ZNF26: variants seen among roughly 807,000 people sequenced by gnomAD.
ZNF26 encodes the protein zinc finger protein 26.
In ZNF26, 32 loss-of-function variants were observed where a neutral mutation model predicts 54.9. The observed-to-expected ratio is 0.58, with a 90% CI of 0.44 to 0.78. ZNF26 has a LOEUF of 0.78. Among genes scored for constraint, ZNF26 ranks in the 30% least tolerant of loss-of-function variants. The probability of loss-of-function intolerance (pLI) is 0.00; values close to 1 mark genes in which losing one functional copy is unlikely to be tolerated. For missense variants in ZNF26, 524 were observed against 634.0 expected (o/e 0.83, Z 1.86); for synonymous variants, 221 against 209.2 (o/e 1.06, Z -0.49).
At position 133,010,961 on chromosome 12, in the gene ZNF26, A is replaced by C; in HGVS notation, c.1082A>C (p.Gln361Pro). The C allele has an allele frequency of 6.2e-7, 1 of 1,614,154 alleles. No individual in the cohort carries two copies. Among genetic ancestry groups the C allele is most frequent in the Non-Finnish European group, 8.5e-7 (1 of 1,180,010 alleles). Residue 361 changes from glutamine to proline, a missense_variant, in exon 4 of 4, where the codon CAG (glutamine) becomes CCG (proline). Transcript: ENST00000328654. Reference protein sequence around the residue: ...FNMKTQLIVHQGVHTGNNPYQ... With the variant: ...FNMKTQLIVHPGVHTGNNPYQ... ...ATGAAGACACAACTCATTGTACATC[A>C]GGGAGTTCACACAGGAAATAATCCT...
chr12:133,004,116 T>A (rs1214127606), intron 1 of ZNF26, among the ~76,000 whole-genome samples: 4 of 152,236 alleles, frequency 2.6e-5, no homozygotes, highest in Non-Finnish European at 5.9e-5. Flanking sequence ...CTAACATGAA[T>A]GTGTTCTTTC....
chr12:133,011,727 A>C lies in ZNF26; in HGVS notation c.*246A>C. 3.4e-6 allele frequency: 1 copy of C among 291,932 alleles called. No individual in the cohort carries two copies. Among genetic ancestry groups the C allele is most frequent in the East Asian group, 5.8e-5 (1 of 17,182 alleles). The allele number at this position is 291,932 out of a possible 1,614,324, so 18.1% of individuals were successfully genotyped here. ...TGTTGTAGTATCATCATGAAGATTC[A>C]GAGAATTTACACTAGGAACACCTTA... is the stretch of plus-strand genomic sequence containing the variant. On this transcript the variant is annotated 3_prime_UTR_variant, in exon 4 of 4. Transcript: ENST00000328654.
chr12:133,022,924 A>C lies in ZNF26; in HGVS notation c.*11443A>C, dbSNP rs368743851. On this transcript the variant is annotated 3_prime_UTR_variant, in exon 4 of 4. Coordinates refer to ENST00000328654, the MANE Select transcript of ZNF26 (RefSeq NM_019591.4). Reference sequence around the variant, plus strand: ...TGTTTATGTGACAAAACAACGGGGAAAAAAAGCTAGAAAATGATAATCAAA... The same window carrying C: ...TGTTTATGTGACAAAACAACGGGGACAAAAAGCTAGAAAATGATAATCAAA... The C allele has an allele frequency of 1.4e-4, 22 of 152,352 alleles. No individual in the cohort carries two copies. The highest frequency in any genetic ancestry group is 5.1e-4 in the African/African-American group (21 of 41,582). 9.4% of individuals were successfully genotyped at this position (152,352 alleles called of 1,614,324 possible).
intron 3 of ZNF26, among the ~76,000 whole-genome samples, chr12:133,008,413 C>T (rs993386496): frequency 3.3e-4 from 51 of 152,256 alleles, no homozygotes; most frequent in African/African-American, 1.2e-3. Context: ...TCTTAGTTCT[C>T]TCTCCCGTAT....
rs1039720444 is a variant in ZNF26, at chr12:132,999,846, A to G, written c.34-7196A>G. On this transcript the variant is annotated intron_variant, in intron 1 of 3. Transcript: ENST00000328654. ...CACCATGCCCGGTTAATTTTTTTGT[A>G]TTTAGTAGAGACAGGGTTTCACCAT... 1.9e-4 allele frequency among the ~76,000 whole-genome samples: 29 copies of G among 151,290 alleles called. 1 individual carries two copies. The highest frequency in any genetic ancestry group is 2.5e-4 in the Non-Finnish European group (17 of 67,848).
At position 133,019,999 on chromosome 12, in the gene ZNF26, G is replaced by A. The variant is rs1284529494; in HGVS notation, c.*8518G>A. The A allele has an allele frequency of 6.6e-6, 1 of 152,270 alleles. No homozygotes were observed. The highest frequency in any genetic ancestry group is 1.9e-4 in the East Asian group (1 of 5,190). The allele number at this position is 152,270 out of a possible 1,614,324, so 9.4% of individuals were successfully genotyped here. ...TAGTCCCAGCTACTCGGGAGGCTGA[G>A]GCAGGAGAATCACTTGAACCCGGGA... is the stretch of plus-strand genomic sequence containing the variant. On this transcript the variant is annotated 3_prime_UTR_variant, in exon 4 of 4. Coordinates refer to ENST00000328654, the MANE Select transcript of ZNF26 (RefSeq NM_019591.4).
rs1953506452 is a variant in ZNF26, at chr12:133,012,609, T to TTTTTTTTG, written c.*1128_*1129insTTTTTTTG. The TTTTTTTTG allele has an allele frequency of 2.1e-5, 3 of 142,286 alleles. No homozygotes were observed. Among genetic ancestry groups the TTTTTTTTG allele is most frequent in the Non-Finnish European group, 3.0e-5 (2 of 65,950 alleles). 8.8% of individuals were successfully genotyped at this position (142,286 alleles called of 1,614,324 possible). ...TTTTTTTTTTTTTTTTTTTTTTTTTTGAGACTAAGTTTCACTCTTGTCCTC... is the reference window on the plus strand; with the variant it reads ...TTTTTTTTTTTTTTTTTTTTTTTTTTTTTTTTTGGAGACTAAGTTTCACTCTTGTCCTC... On this transcript the variant is annotated 3_prime_UTR_variant, in exon 4 of 4. Coordinates refer to ENST00000328654, the MANE Select transcript of ZNF26 (RefSeq NM_019591.4).
intron 1 of ZNF26, among the ~76,000 whole-genome samples, chr12:132,988,651 G>A (rs943237064): frequency 1.2e-4 from 18 of 152,086 alleles, no homozygotes; most frequent in Middle Eastern, 3.4e-3. Context: ...TAATCAGTTT[G>A]TCAACATCTG....
chr12:132,995,204 C>A (rs1299506559), intron 1 of ZNF26: 1 of 152,634 alleles, frequency 6.6e-6, no homozygotes, highest in Non-Finnish European at 1.5e-5. Flanking sequence ...CAAAAAATTG[C>A]ACCACCATAG....
chr12:132,997,192 AG>A (rs1321152073), intron 1 of ZNF26, among the ~76,000 whole-genome samples: 1 of 152,254 alleles, frequency 6.6e-6, no homozygotes, highest in Non-Finnish European at 1.5e-5. Flanking sequence ...TTCCCAGAAC[AG>A]GGGCTAATCA....
At position 133,012,312 on chromosome 12, in the gene ZNF26, C is replaced by A. The variant is rs1402832084; in HGVS notation, c.*831C>A. The stretch of plus-strand genomic sequence containing the variant: ...TGGTAGTGTCTTTCAGGTATCCGTT[C>A]CACTAGCTACAGGTGAGCATTTTAC... On this transcript the variant is annotated 3_prime_UTR_variant, in exon 4 of 4. Transcript: ENST00000328654. 1.3e-5 allele frequency: 2 copies of A among 152,132 alleles called. No homozygotes were observed. The highest frequency in any genetic ancestry group is 2.9e-5 in the Non-Finnish European group (2 of 68,038). 9.4% of individuals were successfully genotyped at this position (152,132 alleles called of 1,614,324 possible). A position where few individuals can be genotyped will look rare whatever the true frequency, so the allele number is the denominator to read the frequency against.
At chr12:133,006,318 A>G (rs1162057607) in intron 1 of ZNF26, 3 of 985,218 alleles carry the variant, frequency 3.0e-6, no homozygotes, top group Non-Finnish European at 3.6e-6. Context: ...ACCTCGTCCA[A>G]ACACCTCCTG....
intron 1 of ZNF26, chr12:133,006,311 T>G: frequency 1.0e-6 from 1 of 985,436 alleles, no homozygotes; most frequent in Non-Finnish European, 1.2e-6. Flanking sequence ...CAGCTGAACC[T>G]CGTCCAAACA....
intron 3 of ZNF26, among the ~76,000 whole-genome samples, chr12:133,009,526 A>C (rs1953422449): frequency 6.6e-6 from 1 of 152,080 alleles, no homozygotes; most frequent in African/African-American, 2.4e-5. Flanking sequence ...CAGGAGGTCG[A>C]GGCTGCAGTA....
Position 133,010,168 on chromosome 12 carries a change from G to T in ZNF26, c.289G>T (p.Asp97Tyr). 5.6e-6 allele frequency: 9 copies of T among 1,602,454 alleles called. No homozygotes were observed. The highest frequency in any genetic ancestry group is 7.6e-6 in the Non-Finnish European group (9 of 1,177,232). Residue 97 changes from aspartate to tyrosine, a missense_variant, in exon 4 of 4, where the codon GAT (aspartate) becomes TAT (tyrosine). Transcript: ENST00000328654. ...GWEEWYQNNQ[D>Y]ELESIERSYA... ...GGAAGAATGGTACCAGAACAATCAA[G>T]ATGAGCTTGAGAGTATTGAAAGAAG...
intron 1 of ZNF26, among the ~76,000 whole-genome samples, chr12:133,002,233 C>A (rs1953233635): frequency 6.6e-6 from 1 of 152,106 alleles, no homozygotes; most frequent in Non-Finnish European, 1.5e-5. Context: ...CTCCTGGCCC[C>A]CCTTCTGTCT....
intron 1 of ZNF26, among the ~76,000 whole-genome samples, chr12:132,992,001 A>G (rs2137214351): frequency 6.6e-6 from 1 of 152,162 alleles, no homozygotes; most frequent in Non-Finnish European, 1.5e-5. Context: ...TACAAAAATT[A>G]GCTGGGCATG....
chr12:132,994,509 C>T (rs1316612535), intron 1 of ZNF26, among the ~76,000 whole-genome samples: 5 of 152,134 alleles, frequency 3.3e-5, no homozygotes, highest in African/African-American at 1.2e-4. Flanking sequence ...ATCCCAATCC[C>T]CTCTCTCTCC....
rs1408403159 is a variant in ZNF26 at position 133,013,546 on chromosome 12, C to T, written c.*2065C>T. 2 of 156,940 alleles carry T rather than the reference C, an allele frequency of 1.3e-5. No homozygotes were observed. The highest frequency in any genetic ancestry group is 4.8e-5 in the African/African-American group (2 of 41,496). The allele number at this position is 156,940 out of a possible 1,614,324, so 9.7% of individuals were successfully genotyped here. A position where few individuals can be genotyped will look rare whatever the true frequency, so the allele number is the denominator to read the frequency against. Reference sequence around the variant, plus strand: ...AGTATCTGCGAAGAACCTGAGGCCTCAGCCTAGCAAACTCTTCTGATAGAC... The same window carrying T: ...AGTATCTGCGAAGAACCTGAGGCCTTAGCCTAGCAAACTCTTCTGATAGAC... On this transcript the variant is annotated 3_prime_UTR_variant, in exon 4 of 4. Coordinates refer to ENST00000328654, the MANE Select transcript of ZNF26 (RefSeq NM_019591.4).
Sources: allele counts gnomAD v4.1 joint callset (sites outside exome capture counted in the v4.1 genomes callset), GRCh38; gene constraint gnomAD v4.1.1; transcripts MANE v1.5; gene names NCBI Gene and HGNC (gene_info 2026-07-23, HGNC 2026-07-21).